FEZ2: variants seen among roughly 807,000 people sequenced by gnomAD.
The protein encoded by FEZ2 is fasciculation and elongation protein zeta 2.
A neutral mutation model predicts 40.4 loss-of-function variants in FEZ2; 51 were observed. The ratio of observed to expected loss-of-function variants is 1.26; its 90% CI spans 1.01 to 1.59. The LOEUF is 1.59. Among genes scored for constraint, FEZ2 ranks in the 40% most tolerant of loss-of-function variants. The pLI is 0.00. For synonymous variants in FEZ2, 242 were observed against 172.0 expected (o/e 1.41, Z -3.18); for missense variants, 640 against 438.3 (o/e 1.46, Z -4.11).
In FEZ2 at chr2:36,581,436, G is replaced by T; in HGVS notation, c.493-5C>A. On this transcript the variant is annotated splice_region_variant and splice_polypyrimidine_tract_variant and intron_variant, in intron 3 of 7. Coordinates refer to ENST00000405912, the MANE Select transcript of FEZ2 (RefSeq NM_005102.3). ...TTCTTCAATTTCTTCAATAACCTTC[G>T]AAAACACACACACCACTGTTAATCA... The T allele has an allele frequency of 6.2e-7, 1 of 1,612,366 alleles. No homozygotes were observed. Among genetic ancestry groups the T allele is most frequent in the Non-Finnish European group, 8.5e-7 (1 of 1,178,688 alleles).
intron 1 of FEZ2, chr2:36,591,277 T>C: frequency 4.3e-6 from 2 of 464,214 alleles, no homozygotes; most frequent in South Asian, 2.4e-5. Context: ...ACTTCCATTA[T>C]ATTAGGTGCT....
intron 1 of FEZ2, among the ~76,000 whole-genome samples, chr2:36,597,161 C>G (rs561034776): frequency 6.6e-6 from 1 of 152,234 alleles, no homozygotes; most frequent in African/African-American, 2.4e-5. Flanking sequence ...CGGGTGGGTC[C>G]CACAGATTCC....
At chr2:36,581,062 T>C (rs981230493) in intron 4 of FEZ2, among the ~76,000 whole-genome samples, 2 of 152,102 alleles carry the variant, frequency 1.3e-5, no homozygotes, top group Non-Finnish European at 2.9e-5. Context: ...TGAGGCAGAA[T>C]TGCTTGAACC....
intron 5 of FEZ2, among the ~76,000 whole-genome samples, chr2:36,566,477 C>T (rs1022775443): frequency 5.9e-5 from 9 of 151,988 alleles, no homozygotes; most frequent in Admixed American, 3.3e-4. Flanking sequence ...TTCTCAAAAT[C>T]CTTAAGGACA....
chr2:36,591,852 T>C (rs1341990281), intron 1 of FEZ2, among the ~76,000 whole-genome samples: 1 of 152,134 alleles, frequency 6.6e-6, no homozygotes, highest in Non-Finnish European at 1.5e-5. Context: ...CTTCTATAAA[T>C]GAGAGACCTG....
intron 5 of FEZ2, among the ~76,000 whole-genome samples, chr2:36,570,387 A>T: frequency 6.6e-6 from 1 of 152,306 alleles, no homozygotes; most frequent in East Asian, 1.9e-4. Context: ...TTTAATTTTT[A>T]TCTTTGAAGA....
At position 36,552,296 on chromosome 2, in the gene FEZ2, T is replaced by C; in HGVS notation, c.*867A>G. On this transcript the variant is annotated 3_prime_UTR_variant, in exon 8 of 8. Transcript: ENST00000405912. ...AAAAATTTATTAAATGCCATTGATT[T>C]GACTGGAACCAGCAAAAGTGCTCAT... The C allele has an allele frequency of 2.3e-6, 1 of 433,106 alleles. No individual in the cohort carries two copies. The highest frequency in any genetic ancestry group is 1.7e-5 in the South Asian group (1 of 58,476). The allele number at this position is 433,106 out of a possible 1,614,324, so 26.8% of individuals were successfully genotyped here. A position where few individuals can be genotyped will look rare whatever the true frequency, so the allele number is the denominator to read the frequency against.
intron 5 of FEZ2, among the ~76,000 whole-genome samples, chr2:36,570,399 CTTTT>C (rs1012817003): frequency 1.3e-5 from 2 of 151,968 alleles, no homozygotes; most frequent in African/African-American, 2.4e-5. Context: ...CTTTGAAGAT[CTTTT>C]TAAAATTTTT....
At chr2:36,586,836 C>T (rs1476816081) in intron 2 of FEZ2, among the ~76,000 whole-genome samples, 4 of 151,920 alleles carry the variant, frequency 2.6e-5, no homozygotes, top group Non-Finnish European at 5.9e-5. Flanking sequence ...AGTCTAGCTA[C>T]TCAGGAAGCT....
At chr2:36,581,239 T>G (rs891014566) in intron 4 of FEZ2, 51 bp downstream of exon 4, 3 of 1,552,044 alleles carry the variant, frequency 1.9e-6, no homozygotes. Context: ...TACTATACAT[T>G]TGATACAGAC....
intron 5 of FEZ2, among the ~76,000 whole-genome samples, chr2:36,568,778 G>A (rs866601796): frequency 4.6e-5 from 7 of 152,210 alleles, no homozygotes; most frequent in African/African-American, 1.4e-4. Context: ...TATTTACGCT[G>A]AGAATACTCA....
intron 5 of FEZ2, among the ~76,000 whole-genome samples, chr2:36,561,817 G>C (rs567822279): frequency 6.6e-6 from 1 of 152,274 alleles, no homozygotes; most frequent in Non-Finnish European, 1.5e-5. Context: ...CATTTGAGGA[G>C]TCAACATAAA....
In FEZ2 at chr2:36,592,423, T is replaced by C. The variant is rs534820073; in HGVS notation, c.267-1412A>G. On this transcript the variant is annotated intron_variant, in intron 1 of 7. Coordinates refer to ENST00000405912, the MANE Select transcript of FEZ2 (RefSeq NM_005102.3). ...AAAATTTTAAAATACAGACATAACA[T>C]AGTTAACAAATAGGGATTGGGCGCT... Among the ~76,000 whole-genome samples, 9 of 152,092 alleles carry C rather than the reference T, an allele frequency of 5.9e-5. 1 individual carries two copies. Among genetic ancestry groups the C allele is most frequent in the African/African-American group, 1.9e-4 (8 of 41,510 alleles).
At chr2:36,582,852 G>C (rs911925240) in intron 3 of FEZ2, among the ~76,000 whole-genome samples, 2 of 152,176 alleles carry the variant, frequency 1.3e-5, no homozygotes, top group Non-Finnish European at 2.9e-5. Context: ...TTCAGAAAAT[G>C]AGAAAGCTGA....
At chr2:36,587,156 A>G (rs1237778700) in intron 2 of FEZ2, among the ~76,000 whole-genome samples, 3 of 152,260 alleles carry the variant, frequency 2.0e-5, no homozygotes, top group Admixed American at 2.0e-4. Context: ...GATTTAGAAT[A>G]GGGTTATGGC....
chr2:36,582,064 G>C (rs1368884580), intron 3 of FEZ2, among the ~76,000 whole-genome samples: 1 of 152,114 alleles, frequency 6.6e-6, no homozygotes, highest in Non-Finnish European at 1.5e-5. Context: ...AAATACATTT[G>C]ACTTTAAACA....
chr2:36,597,876 C>G lies in FEZ2; in HGVS notation c.266+1G>C, dbSNP rs1178917868. ...ACTCCCGGCCGGGGCCCCGCACTCA[C>G]TCGTCCCCCTGCAGGAGGCTGCGCT... On this transcript the variant is annotated splice_donor_variant, in intron 1 of 7. Coordinates refer to ENST00000405912, the MANE Select transcript of FEZ2 (RefSeq NM_005102.3). LOFTEE classifies it high-confidence loss of function. 5 of 1,366,334 alleles carry G rather than the reference C, an allele frequency of 3.7e-6. No homozygotes were observed. The Admixed American group carries it at 1.9e-4, about 52-fold the overall frequency. 84.6% of individuals were successfully genotyped at this position (1,366,334 alleles called of 1,614,324 possible). A position where few individuals can be genotyped will look rare whatever the true frequency, so the allele number is the denominator to read the frequency against.
chr2:36,572,881 C>T (rs963593237), intron 5 of FEZ2, among the ~76,000 whole-genome samples: 1 of 152,114 alleles, frequency 6.6e-6, no homozygotes, highest in Non-Finnish European at 1.5e-5. Context: ...AAAATATATA[C>T]AAGAAAGAGT....
chr2:36,581,732 CAT>C (rs1291128849), intron 3 of FEZ2: 1 of 267,398 alleles, frequency 3.7e-6, no homozygotes, highest in Non-Finnish European at 7.6e-6. Flanking sequence ...GCTACAAACA[CAT>C]AATAATTTAC....
Sources: allele counts gnomAD v4.1 joint callset (sites outside exome capture counted in the v4.1 genomes callset), GRCh38; gene constraint gnomAD v4.1.1; transcripts MANE v1.5; gene names NCBI Gene and HGNC (gene_info 2026-07-23, HGNC 2026-07-21).